The following SGK1 variants were observed in gnomAD, a reference collection of about 807,000 sequenced individuals.
SGK1 encodes serine/threonine-protein kinase Sgk1.
In SGK1, 26 loss-of-function variants were observed where a neutral mutation model predicts 64.2. The ratio of observed to expected loss-of-function variants is 0.40; its 90% CI spans 0.30 to 0.56. The LOEUF is 0.56. Ranked by LOEUF, SGK1 falls within the 20% of genes least tolerant of loss-of-function variation. The pLI, the probability that SGK1 is intolerant of heterozygous loss-of-function variation, is 0.38. For synonymous variants in SGK1, 265 were observed against 239.7 expected (o/e 1.11, Z -0.98); for missense variants, 519 against 645.6 (o/e 0.80, Z 2.12).
intron 2 of SGK1, among the ~76,000 whole-genome samples, chr6:134,220,058 C>A (rs1776060896): frequency 1.5e-4 from 9 of 61,350 alleles, no homozygotes; most frequent in Admixed American, 5.6e-4. Context: ...GACTCCGTCT[C>A]AAAAAAAAAA....
chr6:134,188,908 C>CTTTTTTTTTT (rs34316759), intron 3 of SGK1, among the ~76,000 whole-genome samples: 2 of 110,220 alleles, frequency 1.8e-5, no homozygotes, highest in African/African-American at 3.6e-5. Flanking sequence ...ATTTCTTTTT[C>CTTTTTTTTTT]TTTTTTTTTT....
At chr6:134,228,841 C>CTTT (rs754300980) in intron 2 of SGK1, among the ~76,000 whole-genome samples, 6,795 of 129,548 alleles carry the variant, frequency 0.052, 352 homozygotes, top group African/African-American at 0.11. Flanking sequence ...TGTAGTTGTT[C>CTTT]TTTTTTTTTT....
chr6:134,244,529 C>T (rs1056559869), intron 2 of SGK1, among the ~76,000 whole-genome samples: 15 of 152,244 alleles, frequency 9.9e-5, no homozygotes, highest in African/African-American at 2.6e-4. Flanking sequence ...CCGTCCCTCA[C>T]GGCATAGTCC....
chr6:134,185,945 G>C lies in SGK1; in HGVS notation c.362-11359C>G, dbSNP rs1775415791. Among the ~76,000 whole-genome samples the C allele has an allele frequency of 3.3e-5, 5 of 152,026 alleles. No homozygotes were observed. The South Asian group carries it at 1.0e-3, about 32-fold the overall frequency. Reference sequence around the variant, plus strand: ...TTCTATCTAGGCTCCCAAGCGATTGGACACTACCCCCCACACCCCCCTGTC... The same window carrying C: ...TTCTATCTAGGCTCCCAAGCGATTGCACACTACCCCCCACACCCCCCTGTC... On this transcript the variant is annotated intron_variant, in intron 3 of 13. Transcript: ENST00000367858.
chr6:134,227,086 G>C (rs533014913), intron 2 of SGK1, among the ~76,000 whole-genome samples: 260 of 152,220 alleles, frequency 1.7e-3, no homozygotes, highest in African/African-American at 5.8e-3. Flanking sequence ...TTAGGAGTTA[G>C]CCTCCATGGC....
chr6:134,227,019 G>T (rs1776193414), intron 2 of SGK1, among the ~76,000 whole-genome samples: 1 of 152,140 alleles, frequency 6.6e-6, no homozygotes, highest in African/African-American at 2.4e-5. Flanking sequence ...AAGTAGGAAA[G>T]CGTTGTGGTG....
rs1356401123 is a variant in SGK1 at position 134,231,092 on chromosome 6, G to A, written c.286-23661C>T. ...TGGTCCCAGCTACTCAAGAGGTTAA[G>A]GTGGAAGGATTGCTTGAGCTGGGGA... On this transcript the variant is annotated intron_variant, in intron 2 of 13. Coordinates refer to ENST00000367858, the MANE Select transcript of SGK1 (RefSeq NM_001143676.3). Among the ~76,000 whole-genome samples, 6 of 152,188 alleles carry A rather than the reference G, an allele frequency of 3.9e-5. No homozygotes were observed. In the South Asian group the frequency reaches 8.3e-4, roughly 21 times the overall value.
intron 1 of SGK1, among the ~76,000 whole-genome samples, chr6:134,315,772 G>A (rs1045510409): frequency 1.3e-5 from 2 of 152,030 alleles, no homozygotes; most frequent in African/African-American, 4.8e-5. Context: ...GGGCCTGGTG[G>A]TGGACATCTG....
chr6:134,231,274 T>C (rs903330700), intron 2 of SGK1, among the ~76,000 whole-genome samples: 6 of 152,228 alleles, frequency 3.9e-5, no homozygotes, highest in Admixed American at 6.5e-5. Flanking sequence ...AAGCTACTCA[T>C]TGAAAACCTA....
chr6:134,190,039 A>G (rs1030991108), intron 3 of SGK1, among the ~76,000 whole-genome samples: 3 of 151,960 alleles, frequency 2.0e-5, no homozygotes, highest in Admixed American at 6.6e-5. Flanking sequence ...TAGTAGAGAC[A>G]TGGTTTCACC....
chr6:134,263,663 A>C (rs1423922701), intron 1 of SGK1, among the ~76,000 whole-genome samples: 1 of 152,212 alleles, frequency 6.6e-6, no homozygotes, highest in Non-Finnish European at 1.5e-5. Flanking sequence ...AGATACAGAA[A>C]GAAGTATAAA....
At chr6:134,282,659 AAAAAT>A (rs1447471288) in intron 1 of SGK1, among the ~76,000 whole-genome samples, 1 of 151,460 alleles carries the variant, frequency 6.6e-6, no homozygotes, top group Admixed American at 6.6e-5. Flanking sequence ...TCTCAAAAAA[AAAAAT>A]AAAATAAAAG....
In SGK1 at chr6:134,220,455, G is replaced by C. The variant is rs547341201; in HGVS notation, c.286-13024C>G. 3.9e-5 allele frequency among the ~76,000 whole-genome samples: 6 copies of C among 152,280 alleles called. 1 individual carries two copies. The South Asian group carries it at 1.2e-3, about 32-fold the overall frequency. On this transcript the variant is annotated intron_variant, in intron 2 of 13. Coordinates refer to ENST00000367858, the MANE Select transcript of SGK1 (RefSeq NM_001143676.3). ...GAGAGGCCTCCTTGCATTTATTTTA[G>C]AGCGGAGTTGGTAGAAATAGTTAGA...
intron 2 of SGK1, among the ~76,000 whole-genome samples, chr6:134,213,444 C>A (rs1036702901): frequency 6.6e-6 from 1 of 151,856 alleles, no homozygotes; most frequent in Non-Finnish European, 1.5e-5. Flanking sequence ...TCACTTGAAC[C>A]TGGGAGACGG....
intron 3 of SGK1, among the ~76,000 whole-genome samples, chr6:134,199,335 G>A (rs1775645267): frequency 6.6e-6 from 1 of 152,164 alleles, no homozygotes; most frequent in South Asian, 2.1e-4. Flanking sequence ...AAGGCAGGCA[G>A]ATCACTTGAG....
intron 3 of SGK1, among the ~76,000 whole-genome samples, chr6:134,204,870 T>C (rs1407833702): frequency 6.6e-6 from 1 of 152,124 alleles, no homozygotes. Context: ...ATAATTTATT[T>C]AGGCTTCAAA....
At chr6:134,209,413 G>A (rs1274631897) in intron 2 of SGK1, among the ~76,000 whole-genome samples, 4 of 152,194 alleles carry the variant, frequency 2.6e-5, no homozygotes, top group South Asian at 2.1e-4. Flanking sequence ...TAGCCTGGAC[G>A]ACAAAGCGAG....
chr6:134,250,050 T>G (rs895323204), intron 2 of SGK1, among the ~76,000 whole-genome samples: 8 of 152,202 alleles, frequency 5.3e-5, no homozygotes, highest in Admixed American at 2.0e-4. Flanking sequence ...CCTGAATTTT[T>G]TTTCTCACAT....
intron 3 of SGK1, 147 bp downstream of exon 3, chr6:134,207,209 G>A: frequency 1.0e-5 from 6 of 597,858 alleles, no homozygotes; most frequent in Non-Finnish European, 1.8e-5. Flanking sequence ...CTGGGCAACA[G>A]AGCAAGACTC....
Sources: gnomAD v4.1 joint callset for allele counts (sites outside exome capture counted in the v4.1 genomes callset) on GRCh38, gnomAD v4.1.1 for gene constraint, MANE v1.5 for transcripts, NCBI Gene and HGNC (gene_info 2026-07-23, HGNC 2026-07-21) for gene names.